Variants in NLGN1 observed in about 807,000 individuals in gnomAD.
The protein encoded by NLGN1 is neuroligin 1, also known as neuroligin-1.
In NLGN1, 12 loss-of-function variants were observed where a neutral mutation model predicts 65.5. The ratio of observed to expected loss-of-function variants is 0.18; its 90% confidence interval spans 0.12 to 0.30. The LOEUF is 0.30. NLGN1 is among the 10% of genes least tolerant of loss of function. The pLI, the probability that NLGN1 is intolerant of heterozygous loss-of-function variation, is 1.00. For synonymous variants in NLGN1, 350 were observed against 359.5 expected, an observed-to-expected ratio of 0.97 and a Z score of 0.30; for missense variants, 750 against 1,007.1, an observed-to-expected ratio of 0.74 and a Z score of 3.46.
chr3:174,050,886 T>C (rs1734676590), intron 4 of NLGN1, among the ~76,000 whole-genome samples: 1 of 152,072 alleles, frequency 6.6e-6, no homozygotes, highest in Non-Finnish European at 1.5e-5. Flanking sequence ...TTGTGTCTGT[T>C]TGTCTGGCCA....
At chr3:174,115,849 T>G (rs1256647159) in intron 4 of NLGN1, among the ~76,000 whole-genome samples, 1 of 152,220 alleles carries the variant, frequency 6.6e-6, no homozygotes, top group East Asian at 1.9e-4. Flanking sequence ...ATTTGCTCAA[T>G]GAAGATGTTG....
At chr3:173,853,433 C>T (rs952915188) in intron 4 of NLGN1, among the ~76,000 whole-genome samples, 63 of 151,902 alleles carry the variant, frequency 4.1e-4, no homozygotes, top group African/African-American at 1.4e-3. Context: ...TGTCTTTCTC[C>T]GAAATTGAGT....
Position 173,985,720 on chromosome 3 carries a change from C to T in NLGN1, c.646+177888C>T, listed in dbSNP as rs941618433. ...ATCCCAGCACTTTGGGAGGCGCAAG[C>T]GGGTGGATCACTTGAGGTCAGGAGT... On this transcript the variant is annotated intron_variant, in intron 4 of 6. Coordinates refer to ENST00000457714, the Ensembl canonical transcript of NLGN1. 1.4e-4 allele frequency among the ~76,000 whole-genome samples: 22 copies of T among 151,744 alleles called. No individual in the cohort carries two copies. The South Asian group carries it at 1.9e-3, about 13-fold the overall frequency.
At chr3:174,083,460 A>G (rs976693945) in intron 4 of NLGN1, among the ~76,000 whole-genome samples, 33 of 152,164 alleles carry the variant, frequency 2.2e-4, no homozygotes, top group African/African-American at 7.5e-4. Context: ...TATAATGAAA[A>G]CACTTTAAAA....
At chr3:174,068,044 A>G (rs188113588) in intron 4 of NLGN1, among the ~76,000 whole-genome samples, 2 of 152,230 alleles carry the variant, frequency 1.3e-5, no homozygotes, top group Admixed American at 1.3e-4. Flanking sequence ...CCTTCTAGCA[A>G]TAAATATGCA....
chr3:174,024,021 A>G (rs1400656620), intron 4 of NLGN1, among the ~76,000 whole-genome samples: 1 of 152,072 alleles, frequency 6.6e-6, no homozygotes, highest in Non-Finnish European at 1.5e-5. Context: ...AAGTAAGTAC[A>G]TGTGGATGCC....
chr3:174,214,116 AAT>A (rs1737182386), intron 4 of NLGN1, among the ~76,000 whole-genome samples: 1 of 152,068 alleles, frequency 6.6e-6, no homozygotes, highest in Non-Finnish European at 1.5e-5. Flanking sequence ...GTATATTTTT[AAT>A]GTCTGGAATT....
At chr3:173,514,850 G>A (rs1482309762) in intron 2 of NLGN1, among the ~76,000 whole-genome samples, 1 of 152,018 alleles carries the variant, frequency 6.6e-6, no homozygotes, top group Admixed American at 6.6e-5. Flanking sequence ...TTCTTTTCTA[G>A]GGCTGAATAG....
At chr3:173,687,993 TA>T (rs1319532127) in intron 3 of NLGN1, among the ~76,000 whole-genome samples, 1 of 152,202 alleles carries the variant, frequency 6.6e-6, no homozygotes, top group Non-Finnish European at 1.5e-5. Context: ...GGTCAGAAGG[TA>T]ATAATAAGGC....
At chr3:173,538,175 AC>A (rs1737769747) in intron 2 of NLGN1, among the ~76,000 whole-genome samples, 1 of 152,152 alleles carries the variant, frequency 6.6e-6, no homozygotes, top group Non-Finnish European at 1.5e-5. Context: ...GAGAAACAGC[AC>A]CATATATTGG....
chr3:174,056,142 C>T (rs1006222281), intron 4 of NLGN1, among the ~76,000 whole-genome samples: 5 of 151,844 alleles, frequency 3.3e-5, no homozygotes, highest in African/African-American at 1.2e-4. Flanking sequence ...GTAACTTGTC[C>T]AAGGGAATCT....
intron 3 of NLGN1, among the ~76,000 whole-genome samples, chr3:173,649,704 G>A (rs1431727560): frequency 1.3e-5 from 2 of 152,028 alleles, no homozygotes; most frequent in Non-Finnish European, 2.9e-5. Flanking sequence ...GAGAGAAAGA[G>A]AGAGAAAGTT....
chr3:173,504,800 CCTTAT>C (rs1731726266), intron 2 of NLGN1, among the ~76,000 whole-genome samples: 1 of 152,032 alleles, frequency 6.6e-6, no homozygotes, highest in Non-Finnish European at 1.5e-5. Flanking sequence ...GTTCTCTTTC[CCTTAT>C]CTTTTCTTCC....
intron 3 of NLGN1, among the ~76,000 whole-genome samples, chr3:173,676,842 G>A (rs765468535): frequency 4.6e-5 from 7 of 152,074 alleles, no homozygotes; most frequent in Non-Finnish European, 4.4e-5. Flanking sequence ...TCCTTGGACT[G>A]TAGAACAATT....
intron 2 of NLGN1, among the ~76,000 whole-genome samples, chr3:173,562,523 C>T (rs966879210): frequency 2.0e-5 from 3 of 151,360 alleles, no homozygotes; most frequent in Non-Finnish European, 2.9e-5. Context: ...GCCGAGATCT[C>T]GCCACTGCAC....
At chr3:173,415,827 T>A (rs1713586408) in intron 1 of NLGN1, among the ~76,000 whole-genome samples, 1 of 151,616 alleles carries the variant, frequency 6.6e-6, no homozygotes, top group Non-Finnish European at 1.5e-5. Context: ...TCTCTATGCT[T>A]CAGTTTCCCT....
At chr3:173,445,621 G>A (rs1341365036) in intron 2 of NLGN1, among the ~76,000 whole-genome samples, 3 of 152,210 alleles carry the variant, frequency 2.0e-5, no homozygotes, top group African/African-American at 4.8e-5. Flanking sequence ...TTTAGAGCCT[G>A]CTGAGATATG....
At chr3:173,785,472 T>C (rs1175898339) in intron 3 of NLGN1, among the ~76,000 whole-genome samples, 1 of 152,224 alleles carries the variant, frequency 6.6e-6, no homozygotes, top group African/African-American at 2.4e-5. Flanking sequence ...TAAAGTCTGA[T>C]ATAACATTGT....
intron 3 of NLGN1, among the ~76,000 whole-genome samples, chr3:173,692,301 G>T (rs1765587486): frequency 1.3e-5 from 2 of 152,054 alleles, no homozygotes; most frequent in African/African-American, 4.8e-5. Flanking sequence ...TATAAAAGCA[G>T]TAAACTTTAA....
Sources: allele counts gnomAD v4.1 joint callset (sites outside exome capture counted in the v4.1 genomes callset), GRCh38; gene constraint gnomAD v4.1.1; transcripts MANE v1.5; gene names NCBI Gene and HGNC (gene_info 2026-07-23, HGNC 2026-07-21).